GALNT13: variants seen among roughly 807,000 people sequenced by gnomAD.
GALNT13 encodes polypeptide N-acetylgalactosaminyltransferase 13.
GALNT13 carries 28 observed loss-of-function variants against 64.2 expected under a neutral mutation model. That is an observed-to-expected ratio of 0.44 (90% CI 0.32 to 0.60). GALNT13 has a LOEUF of 0.60. Ranked by LOEUF, GALNT13 falls within the 20% of genes least tolerant of loss-of-function variation. The pLI is 0.05. For missense variants in GALNT13, 577 were observed against 669.8 expected (o/e 0.86, Z 1.53); for synonymous variants, 214 against 224.6 (o/e 0.95, Z 0.42).
At chr2:153,119,063 T>C in the GALNT13 span, among the ~76,000 whole-genome samples, 5 of 152,242 alleles carry the variant, frequency 3.3e-5, no homozygotes, top group African/African-American at 9.6e-5. Context: ...GCACTTCTGC[T>C]TGCTGCCACC....
At chr2:153,292,664 G>A in the GALNT13 span, among the ~76,000 whole-genome samples, 3 of 152,124 alleles carry the variant, frequency 2.0e-5, no homozygotes, top group Admixed American at 1.3e-4. Context: ...AAACATGAAA[G>A]CAAAGAGACA....
chr2:154,018,745 A>G (rs983952718), intron 3 of GALNT13, among the ~76,000 whole-genome samples: 9 of 150,344 alleles, frequency 6.0e-5, no homozygotes, highest in African/African-American at 2.2e-4. Flanking sequence ...GAAGAGGGCG[A>G]GGGAATGAGG....
rs1046442627 is a variant in GALNT13, at chr2:154,215,623, C to T, written c.312-26407C>T. On this transcript the variant is annotated intron_variant, in intron 4 of 12. Transcript: ENST00000392825. ...AGGTTTTATGTTTAAAACCCTTCTT[C>T]GTATCCGGTAGCTCTTGGTACATTC... Among the ~76,000 whole-genome samples the T allele has an allele frequency of 2.6e-5, 4 of 152,100 alleles. No individual in the cohort carries two copies. In the South Asian group the frequency reaches 8.3e-4, roughly 31 times the overall value.
At chr2:153,686,511 A>C in the GALNT13 span, among the ~76,000 whole-genome samples, 1 of 152,030 alleles carries the variant, frequency 6.6e-6, no homozygotes, top group Non-Finnish European at 1.5e-5. Context: ...ACTTTGCTGA[A>C]GTTGTTTATC....
chr2:153,124,719 GTCTCAATCTCTTGACCTCGTGATC>G, the GALNT13 span, among the ~76,000 whole-genome samples: 1 of 152,020 alleles, frequency 6.6e-6, no homozygotes, highest in South Asian at 2.1e-4. Flanking sequence ...TGGCCAGATG[GTCTCAATCTCTTGACCTCGTGATC>G]TGCCCACCTC....
chr2:153,788,010 C>T, the GALNT13 span, among the ~76,000 whole-genome samples: 2 of 152,292 alleles, frequency 1.3e-5, no homozygotes, highest in East Asian at 3.9e-4. Flanking sequence ...ACTTGAAAAA[C>T]ACATTTCAGG....
the GALNT13 span, among the ~76,000 whole-genome samples, chr2:153,182,235 G>C: frequency 6.6e-6 from 1 of 151,808 alleles, no homozygotes; most frequent in Non-Finnish European, 1.5e-5. Flanking sequence ...TAGTGGAGAC[G>C]GGGTTTCACC....
At chr2:153,850,135 C>T in the GALNT13 span, among the ~76,000 whole-genome samples, 17 of 150,470 alleles carry the variant, frequency 1.1e-4, no homozygotes, top group Admixed American at 2.6e-4. Flanking sequence ...GCCGAGACCG[C>T]GCCACTGCAC....
At chr2:153,707,152 G>A in the GALNT13 span, among the ~76,000 whole-genome samples, 1 of 152,122 alleles carries the variant, frequency 6.6e-6, no homozygotes, top group African/African-American at 2.4e-5. Context: ...ACGTGGAACT[G>A]TAAGTCCAAT....
the GALNT13 span, among the ~76,000 whole-genome samples, chr2:153,727,978 A>C: frequency 1.3e-5 from 2 of 152,104 alleles, no homozygotes; most frequent in South Asian, 4.1e-4. Context: ...CCCACTTATG[A>C]GTGAGAACAT....
rs1309188815 is a variant in GALNT13 at position 154,047,203 on chromosome 2, T to G, written c.143-93134T>G. Among the ~76,000 whole-genome samples, 6 of 152,164 alleles carry G rather than the reference T, an allele frequency of 3.9e-5. No homozygotes were observed. In the South Asian group the frequency reaches 1.0e-3, roughly 26 times the overall value. On this transcript the variant is annotated intron_variant, in intron 3 of 12. Transcript: ENST00000392825. Reference sequence around the variant, plus strand: ...TGCATTATTCATTTTGCTAGAAATTTTGAATACATTTGCTAAAGCTGGAAT... The same window carrying G: ...TGCATTATTCATTTTGCTAGAAATTGTGAATACATTTGCTAAAGCTGGAAT...
the GALNT13 span, among the ~76,000 whole-genome samples, chr2:153,686,402 G>T: frequency 4.6e-3 from 693 of 151,716 alleles, 7 homozygotes; most frequent in African/African-American, 0.016. Context: ...TATTATTTTT[G>T]TGGCAACTGT....
intron 4 of GALNT13, among the ~76,000 whole-genome samples, chr2:154,167,263 CT>C (rs1685083407): frequency 1.3e-5 from 2 of 152,136 alleles, no homozygotes; most frequent in South Asian, 4.1e-4. Context: ...CAGAATTTAT[CT>C]TGTAGTTGAG....
chr2:153,109,897 A>T, the GALNT13 span, among the ~76,000 whole-genome samples: 1 of 152,086 alleles, frequency 6.6e-6, no homozygotes, highest in African/African-American at 2.4e-5. Flanking sequence ...TTAAACTATA[A>T]AAGCACAAGG....
intron 9 of GALNT13, among the ~76,000 whole-genome samples, chr2:154,312,384 A>G (rs563358772): frequency 9.9e-5 from 15 of 152,100 alleles, no homozygotes; most frequent in Non-Finnish European, 1.8e-4. Context: ...TTCTAATGAC[A>G]TTGGGATTTC....
At chr2:154,414,114 A>G (rs894774702) in intron 11 of GALNT13, among the ~76,000 whole-genome samples, 2 of 152,154 alleles carry the variant, frequency 1.3e-5, no homozygotes, top group East Asian at 3.9e-4. Context: ...GATCACTAAT[A>G]TTTACTTCTT....
chr2:153,851,082 G>A, the GALNT13 span, among the ~76,000 whole-genome samples: 25 of 151,966 alleles, frequency 1.6e-4, no homozygotes, highest in Admixed American at 1.5e-3. Context: ...AAAACCTCAA[G>A]CACAAGAGAG....
chr2:154,111,145 A>G (rs1221603190), intron 3 of GALNT13, among the ~76,000 whole-genome samples: 1 of 152,168 alleles, frequency 6.6e-6, no homozygotes, highest in Non-Finnish European at 1.5e-5. Flanking sequence ...GGTATTGATG[A>G]CTACCTTCTC....
At chr2:153,124,047 TA>T in the GALNT13 span, among the ~76,000 whole-genome samples, 2 of 152,218 alleles carry the variant, frequency 1.3e-5, no homozygotes, top group Non-Finnish European at 2.9e-5. Context: ...CTTGCTCTGA[TA>T]AATCAAGCTG....
Sources: gnomAD v4.1 joint callset for allele counts (sites outside exome capture counted in the v4.1 genomes callset) on GRCh38, gnomAD v4.1.1 for gene constraint, MANE v1.5 for transcripts, NCBI Gene and HGNC (gene_info 2026-07-23, HGNC 2026-07-21) for gene names.